The following MARCHF1 variants were observed in gnomAD, a reference collection of about 807,000 sequenced individuals.
MARCHF1 encodes the protein membrane associated ring-CH-type finger 1.
A neutral mutation model predicts 54.2 loss-of-function variants in MARCHF1; 40 were observed. The observed-to-expected ratio is 0.74, with a 90% CI of 0.57 to 0.96. The LOEUF is 0.96. Ranked by LOEUF, MARCHF1 falls within the 40% of genes least tolerant of loss-of-function variation. MARCHF1 has a pLI of 0.00. For missense variants in MARCHF1, 586 were observed against 656.5 expected, an observed-to-expected ratio of 0.89 and a Z score of 1.17; for synonymous variants, 236 against 236.3, an observed-to-expected ratio of 1.00 and a Z score of 0.01.
intron 1 of MARCHF1, among the ~76,000 whole-genome samples, chr4:164,381,179 T>C (rs1488974721): frequency 6.6e-6 from 1 of 152,220 alleles, no homozygotes; most frequent in Admixed American, 6.5e-5. Context: ...TGCCCTATAA[T>C]GCAACTTCCT....
intron 1 of MARCHF1, among the ~76,000 whole-genome samples, chr4:164,224,486 T>C (rs1158326511): frequency 1.3e-5 from 2 of 151,970 alleles, no homozygotes; most frequent in Non-Finnish European, 2.9e-5. Context: ...ACCTTGTCTT[T>C]CATCCATCTA....
Position 163,526,118 on chromosome 4 carries a change from A to AG in MARCHF1, c.*2629_*2630insC, listed in dbSNP as rs1738095478. 1 of 152,118 alleles carries AG rather than the reference A, an allele frequency of 6.6e-6. No individual in the cohort carries two copies. The allele number at this position is 152,118 out of a possible 1,614,324, so 9.4% of individuals were successfully genotyped here. On this transcript the variant is annotated 3_prime_UTR_variant, in exon 10 of 10. Transcript: ENST00000514618. The stretch of plus-strand genomic sequence containing the variant: ...ACAATGTCCAAGCCCATAAAAGTTA[A>AG]TTGCAAGAATTTAGGTATAGTTTTA...
chr4:163,645,729 A>G, intron 5 of MARCHF1, among the ~76,000 whole-genome samples: 1 of 152,196 alleles, frequency 6.6e-6, no homozygotes, highest in East Asian at 1.9e-4. Flanking sequence ...AGCAGACTCA[A>G]TCATGGAGAA....
At chr4:164,183,402 A>G (rs1219440172) in intron 1 of MARCHF1, among the ~76,000 whole-genome samples, 3 of 152,078 alleles carry the variant, frequency 2.0e-5, no homozygotes, top group African/African-American at 7.2e-5. Flanking sequence ...TTTGTTTGTG[A>G]TAAGAGTAGA....
At chr4:164,234,891 C>T (rs922336649) in intron 1 of MARCHF1, 2 of 152,194 alleles carry the variant, frequency 1.3e-5, no homozygotes, top group Middle Eastern at 3.4e-3. Flanking sequence ...TTGATTTACA[C>T]AGATTCTGAT....
Position 163,608,994 on chromosome 4 carries a change from C to G in MARCHF1, c.1010+3277G>C, listed in dbSNP as rs556615443. On this transcript the variant is annotated intron_variant, in intron 7 of 9. Coordinates refer to ENST00000514618, the MANE Select transcript of MARCHF1 (RefSeq NM_001394959.1). ...CACTTTCCAGGCATCACTGCTACCTCCTTGAGAATAATTCCAAAATCTCTA... is the reference window on the plus strand; with the variant it reads ...CACTTTCCAGGCATCACTGCTACCTGCTTGAGAATAATTCCAAAATCTCTA... 1.4e-4 allele frequency among the ~76,000 whole-genome samples: 22 copies of G among 152,194 alleles called. No homozygotes were observed. The Middle Eastern group carries it at 0.01, about 71-fold the overall frequency.
At chr4:164,362,278 A>G (rs1730743599) in intron 1 of MARCHF1, among the ~76,000 whole-genome samples, 1 of 152,200 alleles carries the variant, frequency 6.6e-6, no homozygotes, top group Non-Finnish European at 1.5e-5. Flanking sequence ...AAACTTGTGA[A>G]TAATTCTATT....
intron 3 of MARCHF1, among the ~76,000 whole-genome samples, chr4:163,864,435 C>G (rs911428292): frequency 6.6e-6 from 1 of 151,888 alleles, no homozygotes; most frequent in Non-Finnish European, 1.5e-5. Flanking sequence ...GAAACTGTTA[C>G]AGCTAAGTGG....
intron 1 of MARCHF1, among the ~76,000 whole-genome samples, chr4:164,222,098 A>T (rs1257773260): frequency 6.6e-6 from 1 of 151,924 alleles, no homozygotes; most frequent in African/African-American, 2.4e-5. Context: ...AAGAATGGAA[A>T]TTTTTTCTAA....
intron 1 of MARCHF1, among the ~76,000 whole-genome samples, chr4:164,346,320 G>A (rs1730094623): frequency 6.6e-6 from 1 of 152,092 alleles, no homozygotes; most frequent in African/African-American, 2.4e-5. Context: ...GAAGTCAAAT[G>A]TTATTAAATA....
intron 8 of MARCHF1, among the ~76,000 whole-genome samples, chr4:163,546,328 A>G (rs1026215447): frequency 3.3e-5 from 5 of 152,136 alleles, no homozygotes; most frequent in African/African-American, 1.2e-4. Context: ...CTATTCTCCA[A>G]ATGAATTAAA....
At chr4:164,214,928 C>T (rs1017197934) in intron 1 of MARCHF1, among the ~76,000 whole-genome samples, 3 of 152,102 alleles carry the variant, frequency 2.0e-5, no homozygotes, top group Non-Finnish European at 4.4e-5. Context: ...TCCTCAGTGC[C>T]CCCGCCGCTC....
At chr4:163,666,378 C>T (rs1001666174) in intron 5 of MARCHF1, among the ~76,000 whole-genome samples, 5 of 152,072 alleles carry the variant, frequency 3.3e-5, no homozygotes, top group Non-Finnish European at 7.4e-5. Context: ...TATTTTATTG[C>T]TCCTAAGCAA....
At chr4:164,197,588 CA>C (rs1731313876) in intron 1 of MARCHF1, 1 of 1,613,118 alleles carries the variant, frequency 6.2e-7, no homozygotes, top group Non-Finnish European at 8.5e-7. Context: ...TCCAGTTCTT[CA>C]AATTCATCTG....
intron 1 of MARCHF1, among the ~76,000 whole-genome samples, chr4:164,356,009 G>T (rs1730517055): frequency 7.7e-6 from 1 of 129,268 alleles, no homozygotes. Context: ...AAAAACACAT[G>T]AAAAAATGCT....
intron 1 of MARCHF1, among the ~76,000 whole-genome samples, chr4:164,167,950 C>T (rs1205407062): frequency 6.6e-6 from 1 of 151,804 alleles, no homozygotes; most frequent in Non-Finnish European, 1.5e-5. Flanking sequence ...AGCTTTTGTA[C>T]AGCAAAGGAA....
intron 1 of MARCHF1, among the ~76,000 whole-genome samples, chr4:164,377,335 T>C (rs1203253343): frequency 2.0e-5 from 3 of 152,244 alleles, no homozygotes; most frequent in Admixed American, 2.0e-4. Flanking sequence ...TTCTGAGTTT[T>C]ATCCATATAC....
chr4:163,589,701 G>A (rs11736195), intron 7 of MARCHF1, among the ~76,000 whole-genome samples: 27 of 151,888 alleles, frequency 1.8e-4, no homozygotes, highest in African/African-American at 6.5e-4. Context: ...TGCCTTTCCA[G>A]CCGAATAATT....
In MARCHF1 at chr4:163,895,943, G is replaced by A. The variant is rs532451534; in HGVS notation, c.-38-41774C>T. On this transcript the variant is annotated intron_variant, in intron 3 of 9. Transcript: ENST00000514618. ...TAAACACAAATACAACTGCAAAATG[G>A]CAAATAAAATATCCTAGCAAAAGTA... 3.3e-5 allele frequency among the ~76,000 whole-genome samples: 5 copies of A among 152,162 alleles called. No individual in the cohort carries two copies. The East Asian group carries it at 7.7e-4, about 23-fold the overall frequency.
Sources: allele counts gnomAD v4.1 joint callset (sites outside exome capture counted in the v4.1 genomes callset), GRCh38; gene constraint gnomAD v4.1.1; transcripts MANE v1.5; gene names NCBI Gene and HGNC (gene_info 2026-07-23, HGNC 2026-07-21).